NCEH1: variants seen among roughly 807,000 people sequenced by gnomAD.
NCEH1 encodes neutral cholesterol ester hydrolase 1.
Under a neutral mutation model 25.4 loss-of-function variants are expected in NCEH1, and 9 were observed. The observed-to-expected ratio is 0.35, with a 90% CI of 0.21 to 0.62. The LOEUF (loss-of-function observed/expected upper bound fraction) is 0.62, where lower values mean the gene tolerates loss of function less well. NCEH1 is among the 20% of genes least tolerant of loss of function. The pLI, the probability that NCEH1 is intolerant of heterozygous loss-of-function variation, is 0.72. For synonymous variants in NCEH1, 200 were observed against 199.8 expected, an observed-to-expected ratio of 1.00 and a Z score of -0.01; for missense variants, 412 against 501.1, an observed-to-expected ratio of 0.82 and a Z score of 1.70.
At chr3:172,642,135 A>G (rs1401063429) in intron 3 of NCEH1, among the ~76,000 whole-genome samples, 1 of 152,124 alleles carries the variant, frequency 6.6e-6, no homozygotes, top group African/African-American at 2.4e-5. Flanking sequence ...GAAGCGAGCC[A>G]CTGAGATCCC....
At chr3:172,679,401 G>GAA (rs980198112) in intron 1 of NCEH1, among the ~76,000 whole-genome samples, 21 of 152,228 alleles carry the variant, frequency 1.4e-4, no homozygotes, top group Non-Finnish European at 2.6e-4. Context: ...AGACGGGGAG[G>GAA]AAAGTCTTTG....
chr3:172,635,855 G>T, intron 4 of NCEH1, 61 bp downstream of exon 4: 2 of 1,490,056 alleles, frequency 1.3e-6, no homozygotes, highest in Non-Finnish European at 1.8e-6. Context: ...AGGGTGTGTT[G>T]GTCTGCTAGA....
At chr3:172,680,989 C>T (rs12497760) in intron 1 of NCEH1, 49,669 of 137,226 alleles carry the variant, frequency 0.36, 9,419 homozygotes, top group East Asian at 0.62. Flanking sequence ...ACATTTCAGC[C>T]TCTAGAAAAA....
At chr3:172,635,001 C>T (rs1035649271) in intron 4 of NCEH1, among the ~76,000 whole-genome samples, 2 of 152,098 alleles carry the variant, frequency 1.3e-5, no homozygotes, top group African/African-American at 4.8e-5. Context: ...TTGCAACAGC[C>T]CTGCAATCAG....
chr3:172,652,604 T>G (rs1312074891), intron 1 of NCEH1, among the ~76,000 whole-genome samples: 1 of 152,214 alleles, frequency 6.6e-6, no homozygotes, highest in Non-Finnish European at 1.5e-5. Flanking sequence ...GATGAAGGCT[T>G]AAAATATAGA....
At chr3:172,692,759 T>G (rs1275955768) in intron 1 of NCEH1, among the ~76,000 whole-genome samples, 2 of 152,198 alleles carry the variant, frequency 1.3e-5, no homozygotes, top group Non-Finnish European at 2.9e-5. Flanking sequence ...ATTATTAGCT[T>G]ATTAAAAGTG....
chr3:172,635,777 T>TAATC, intron 4 of NCEH1, 139 bp downstream of exon 4: 1 of 685,930 alleles, frequency 1.5e-6, no homozygotes, highest in African/African-American at 1.8e-5. Context: ...TCTACAAGTG[T>TAATC]AATCACATGA....
intron 1 of NCEH1, among the ~76,000 whole-genome samples, chr3:172,653,250 G>C (rs1212407970): frequency 6.6e-6 from 1 of 152,082 alleles, no homozygotes; most frequent in East Asian, 1.9e-4. Flanking sequence ...AAATCCGGTG[G>C]GGCACTGGCT....
Position 172,633,479 on chromosome 3 carries a change from A to C in NCEH1, c.1223T>G (p.Leu408Arg). The C allele has an allele frequency of 6.2e-7, 1 of 1,612,668 alleles. No homozygotes were observed. Among genetic ancestry groups the C allele is most frequent in the Non-Finnish European group, 8.5e-7 (1 of 1,179,096 alleles). Residue 408 changes from leucine (L) to arginine (R), a missense_variant, in exon 5 of 5, where the codon CTG (leucine) becomes CGG (arginine). Physicochemically the swap from Leu to Arg is moderately radical, Grantham distance 102 (BLOSUM62 -2). Coordinates refer to ENST00000475381, the MANE Select transcript of NCEH1 (RefSeq NM_020792.6). ...NSYIKWLDQN[L>R] is the part of the protein sequence containing the mutation. Reference sequence around the variant, plus strand: ...GCTTCTGGAAGTTTTGCTCCTTTACAGGTTTTGATCTAGCCACTTGATGTA... The same window carrying C: ...GCTTCTGGAAGTTTTGCTCCTTTACCGGTTTTGATCTAGCCACTTGATGTA...
intron 1 of NCEH1, among the ~76,000 whole-genome samples, chr3:172,660,478 T>C (rs1316172730): frequency 1.3e-5 from 2 of 152,200 alleles, no homozygotes; most frequent in Non-Finnish European, 2.9e-5. Context: ...TATAATCCTT[T>C]GGGTATATAC....
chr3:172,674,511 A>C (rs373281252), intron 1 of NCEH1, among the ~76,000 whole-genome samples: 1 of 151,884 alleles, frequency 6.6e-6, no homozygotes, highest in East Asian at 1.9e-4. Context: ...ACCCCAACAG[A>C]TACTTTTTTT....
intron 1 of NCEH1, among the ~76,000 whole-genome samples, chr3:172,709,233 A>C (rs1714171155): frequency 6.6e-6 from 1 of 152,258 alleles, no homozygotes; most frequent in African/African-American, 2.4e-5. Flanking sequence ...ATGATGGAGA[A>C]GACTTCTTTG....
intron 1 of NCEH1, among the ~76,000 whole-genome samples, chr3:172,684,806 C>A (rs1363038593): frequency 6.6e-6 from 1 of 152,026 alleles, no homozygotes; most frequent in Non-Finnish European, 1.5e-5. Context: ...CATGGTGAAA[C>A]CTCATTTCTA....
At chr3:172,676,224 T>A (rs919436463) in intron 1 of NCEH1, among the ~76,000 whole-genome samples, 4 of 152,128 alleles carry the variant, frequency 2.6e-5, no homozygotes, top group African/African-American at 9.7e-5. Flanking sequence ...CTTTTTCTGT[T>A]AATAAAAGCA....
At chr3:172,670,276 T>C (rs1711533280) in intron 1 of NCEH1, among the ~76,000 whole-genome samples, 1 of 152,240 alleles carries the variant, frequency 6.6e-6, no homozygotes, top group Admixed American at 6.5e-5. Context: ...CTGTCAGCCT[T>C]TCTCCTTTAT....
chr3:172,682,294 A>G (rs1235581821), intron 1 of NCEH1, among the ~76,000 whole-genome samples: 3 of 152,178 alleles, frequency 2.0e-5, no homozygotes, highest in Admixed American at 2.0e-4. Context: ...GAAGGCTTCT[A>G]AGACTTCCAG....
At chr3:172,656,815 A>G (rs1168912227) in intron 1 of NCEH1, among the ~76,000 whole-genome samples, 1 of 152,030 alleles carries the variant, frequency 6.6e-6, no homozygotes, top group African/African-American at 2.4e-5. Flanking sequence ...AAGGTAACCC[A>G]TTGCAATCTG....
chr3:172,664,389 G>A (rs4538403), intron 1 of NCEH1, among the ~76,000 whole-genome samples: 51,242 of 151,974 alleles, frequency 0.34, 8,820 homozygotes, highest in South Asian at 0.38. Context: ...GGCTGCGCTT[G>A]ACATTTTTTT....
chr3:172,669,129 T>C (rs895492352), intron 1 of NCEH1, among the ~76,000 whole-genome samples: 7 of 152,354 alleles, frequency 4.6e-5, no homozygotes, highest in African/African-American at 1.7e-4. Flanking sequence ...GTCTAATGTC[T>C]TTGAGACACT....
Sources: allele counts gnomAD v4.1 joint callset (sites outside exome capture counted in the v4.1 genomes callset), GRCh38; gene constraint gnomAD v4.1.1; transcripts MANE v1.5; gene names NCBI Gene and HGNC (gene_info 2026-07-23, HGNC 2026-07-21).